Variants in ZNF532 observed in about 807,000 individuals in gnomAD.
The protein encoded by ZNF532 is zinc finger protein 532.
A neutral mutation model predicts 89.3 loss-of-function variants in ZNF532; 22 were observed. The ratio of observed to expected loss-of-function variants is 0.25; its 90% confidence interval spans 0.18 to 0.35. The LOEUF is 0.35. ZNF532 is among the 10% of genes least tolerant of loss of function. The pLI, the probability that ZNF532 is intolerant of heterozygous loss-of-function variation, is 1.00. For missense variants in ZNF532, 1,132 were observed against 1,643.4 expected (o/e 0.69, Z 5.38); for synonymous variants, 606 against 649.6 (o/e 0.93, Z 1.02).
chr18:58,905,303 G>A (rs981701818), intron 2 of ZNF532, among the ~76,000 whole-genome samples: 4 of 151,848 alleles, frequency 2.6e-5, no homozygotes, highest in African/African-American at 7.3e-5. Context: ...GTTGCTTTTC[G>A]CCAATATTCT....
intron 5 of ZNF532, among the ~76,000 whole-genome samples, chr18:58,941,816 TTTC>T (rs1247440882): frequency 1.3e-5 from 2 of 151,846 alleles, no homozygotes; most frequent in African/African-American, 4.8e-5. Flanking sequence ...CTTTGTTTCT[TTTC>T]TTTTTTCTTT....
In ZNF532 at chr18:58,962,395, A is replaced by G. The variant is rs1246697990; in HGVS notation, c.3150+8596A>G. 2.6e-5 allele frequency among the ~76,000 whole-genome samples: 4 copies of G among 152,154 alleles called. No individual in the cohort carries two copies. The East Asian group carries it at 5.8e-4, about 22-fold the overall frequency. ...CCATGGACTAACCAAGTCTCTGTGGAAAGCATTTGGTTTCACAGTTAATCT... is the reference window on the plus strand; with the variant it reads ...CCATGGACTAACCAAGTCTCTGTGGGAAGCATTTGGTTTCACAGTTAATCT... On this transcript the variant is annotated intron_variant, in intron 7 of 9. Coordinates refer to ENST00000591808, the MANE Select transcript of ZNF532 (RefSeq NM_001375912.1).
chr18:58,953,377 GT>G (rs931517743), intron 6 of ZNF532, 140 bp from the exon 7 acceptor site: 8 of 724,654 alleles, frequency 1.1e-5, no homozygotes, highest in African/African-American at 1.8e-5. Flanking sequence ...TTTAGCTTAG[GT>G]TTTTTTCTTT....
At chr18:58,877,528 C>G (rs750098476) in intron 2 of ZNF532, among the ~76,000 whole-genome samples, 3 of 152,236 alleles carry the variant, frequency 2.0e-5, no homozygotes, top group Non-Finnish European at 4.4e-5. Flanking sequence ...ACTTCCCCAT[C>G]TCTCTACAAG....
At chr18:58,920,689 T>C in intron 3 of ZNF532, 56 bp downstream of exon 3, 1 of 1,457,072 alleles carries the variant, frequency 6.9e-7, no homozygotes, top group Non-Finnish European at 9.3e-7. Context: ...GCATGAGTGC[T>C]TGATAAGATG....
At chr18:58,883,159 T>C (rs1438473064) in intron 2 of ZNF532, among the ~76,000 whole-genome samples, 5 of 152,234 alleles carry the variant, frequency 3.3e-5, no homozygotes, top group South Asian at 2.1e-4. Context: ...ATGATTGATA[T>C]ACTGATGTAA....
At chr18:58,916,908 A>G (rs1250273372) in intron 2 of ZNF532, among the ~76,000 whole-genome samples, 3 of 152,210 alleles carry the variant, frequency 2.0e-5, no homozygotes, top group East Asian at 3.9e-4. Flanking sequence ...GTGCTTCAGT[A>G]AGATGTGGAA....
intron 7 of ZNF532, chr18:58,977,572 A>C (rs908524525): frequency 6.6e-6 from 1 of 152,258 alleles, no homozygotes; most frequent in African/African-American, 2.4e-5. Context: ...CAGTCTGGGC[A>C]TGGTGGCTCA....
chr18:58,872,795 G>A (rs762813024), intron 2 of ZNF532, among the ~76,000 whole-genome samples: 18 of 151,632 alleles, frequency 1.2e-4, no homozygotes, highest in Non-Finnish European at 2.1e-4. Context: ...CGCCTTCCGG[G>A]TTCAAGCGAT....
At chr18:58,935,844 A>AT (rs148057701) in intron 4 of ZNF532, among the ~76,000 whole-genome samples, 94 of 150,366 alleles carry the variant, frequency 6.3e-4, no homozygotes, top group Middle Eastern at 3.5e-3. Flanking sequence ...ATATGCAGTG[A>AT]TTTTTTTTTT....
At chr18:58,968,277 A>C (rs557367029) in intron 7 of ZNF532, among the ~76,000 whole-genome samples, 4 of 152,310 alleles carry the variant, frequency 2.6e-5, no homozygotes, top group African/African-American at 7.2e-5. Context: ...CTTTGGGAGA[A>C]TATACCAGGA....
chr18:58,953,372 C>A, intron 6 of ZNF532, 146 bp from the exon 7 acceptor site: 2 of 690,822 alleles, frequency 2.9e-6, no homozygotes, highest in South Asian at 2.4e-5. Context: ...GTATATTTAG[C>A]TTAGGTTTTT....
chr18:58,954,747 C>T (rs1201537099), intron 7 of ZNF532, among the ~76,000 whole-genome samples: 1 of 140,014 alleles, frequency 7.1e-6, no homozygotes, highest in Non-Finnish European at 1.5e-5. Context: ...GAGTCTCACT[C>T]TGTTGTCCAG....
chr18:58,941,127 A>G (rs2062984786), intron 5 of ZNF532, among the ~76,000 whole-genome samples: 1 of 151,904 alleles, frequency 6.6e-6, no homozygotes, highest in Non-Finnish European at 1.5e-5. Context: ...TTGTAGGTTG[A>G]TCCCAAAATG....
intron 2 of ZNF532, among the ~76,000 whole-genome samples, chr18:58,883,433 T>C (rs531002424): frequency 6.6e-6 from 1 of 152,168 alleles, no homozygotes; most frequent in African/African-American, 2.4e-5. Context: ...GTGATACCTG[T>C]GCAGGGAGCC....
intron 2 of ZNF532, among the ~76,000 whole-genome samples, chr18:58,891,142 A>G (rs944220615): frequency 6.6e-6 from 1 of 152,104 alleles, no homozygotes; most frequent in East Asian, 1.9e-4. Flanking sequence ...GATGGTCTCG[A>G]TCCCTTGATC....
At chr18:58,925,582 CTCT>C (rs1217257921) in intron 3 of ZNF532, among the ~76,000 whole-genome samples, 1 of 152,172 alleles carries the variant, frequency 6.6e-6, no homozygotes, top group Non-Finnish European at 1.5e-5. Flanking sequence ...TCTTTTCATC[CTCT>C]TCTTTAGCAG....
chr18:58,951,081 G>C (rs1390131225), intron 6 of ZNF532, among the ~76,000 whole-genome samples: 1 of 151,286 alleles, frequency 6.6e-6, no homozygotes, highest in African/African-American at 2.4e-5. Flanking sequence ...TCAGCCCCCC[G>C]AATAGCTGAG....
intron 2 of ZNF532, among the ~76,000 whole-genome samples, chr18:58,915,379 C>G (rs2060531178): frequency 6.6e-6 from 1 of 152,188 alleles, no homozygotes; most frequent in Non-Finnish European, 1.5e-5. Context: ...CACTGCTTCA[C>G]GCTGGACTCC....
Sources: gnomAD v4.1 joint callset for allele counts (sites outside exome capture counted in the v4.1 genomes callset) on GRCh38, gnomAD v4.1.1 for gene constraint, MANE v1.5 for transcripts, NCBI Gene and HGNC (gene_info 2026-07-23, HGNC 2026-07-21) for gene names.